SLC2A9: variants seen among roughly 807,000 people sequenced by gnomAD.
The protein encoded by SLC2A9 is solute carrier family 2 member 9.
Under a neutral mutation model 50.6 loss-of-function variants are expected in SLC2A9, and 39 were observed. The observed-to-expected ratio is 0.77, with a 90% CI of 0.60 to 1.01. The LOEUF is 1.01. SLC2A9 is among the 50% of genes least tolerant of loss of function. The pLI is 0.00. For synonymous variants in SLC2A9, 324 were observed against 276.9 expected (o/e 1.17, Z -1.69); for missense variants, 686 against 677.6 (o/e 1.01, Z -0.14).
At position 9,799,698 on chromosome 4, in the gene SLC2A9, C is replaced by CA. The variant is rs1353944283; in HGVS notation, n.421-458_421-457insT. Among the ~76,000 whole-genome samples, 101 of 71,582 alleles carry CA rather than the reference C, an allele frequency of 1.4e-3. 3 individuals are homozygous for CA. The highest frequency in any genetic ancestry group is 6.5e-3 in the East Asian group (18 of 2,776). The allele number at this position is 71,582 out of a possible 152,430, so 47.0% of individuals were successfully genotyped here. A position where few individuals can be genotyped will look rare whatever the true frequency, so the allele number is the denominator to read the frequency against. On this transcript the variant is annotated intron_variant and non_coding_transcript_variant, in intron 3 of 3. Coordinates refer to the SLC2A9 transcript ENST00000503280. ...TGAGCTCCATTCCAATTGTACCCCC[C>CA]CCCCACCCAACTTCTACACCAGTTT...
intron 10 of SLC2A9, among the ~76,000 whole-genome samples, chr4:9,861,859 A>T (rs1054945923): frequency 6.6e-6 from 1 of 152,146 alleles, no homozygotes; most frequent in Non-Finnish European, 1.5e-5. Flanking sequence ...GTACAGACAC[A>T]TCTTTCACAT....
At chr4:9,992,289 C>T (rs183960539) in intron 3 of SLC2A9, among the ~76,000 whole-genome samples, 2 of 152,288 alleles carry the variant, frequency 1.3e-5, no homozygotes, top group East Asian at 3.9e-4. Context: ...TTTTTAAAAG[C>T]ACTTAATCCA....
intron 10 of SLC2A9, among the ~76,000 whole-genome samples, chr4:9,883,936 G>A (rs1735687859): frequency 6.6e-6 from 1 of 152,222 alleles, no homozygotes; most frequent in Non-Finnish European, 1.5e-5. Flanking sequence ...GTGGAGAAGA[G>A]GGTGTTACCC....
At chr4:9,965,167 T>A (rs7663097) in intron 5 of SLC2A9, among the ~76,000 whole-genome samples, 2 of 152,002 alleles carry the variant, frequency 1.3e-5, no homozygotes, top group African/African-American at 4.8e-5. Context: ...AAATTAGGCT[T>A]GGAGAGGTTA....
At chr4:9,827,401 G>T (rs914995485) in intron 11 of SLC2A9, among the ~76,000 whole-genome samples, 4 of 152,226 alleles carry the variant, frequency 2.6e-5, no homozygotes, top group African/African-American at 4.8e-5. Flanking sequence ...CTGGGTCCCA[G>T]CTGTCAGGAT....
intron 3 of SLC2A9, among the ~76,000 whole-genome samples, chr4:9,812,141 A>T (rs1014293597): frequency 1.3e-5 from 2 of 152,188 alleles, no homozygotes; most frequent in Non-Finnish European, 2.9e-5. Flanking sequence ...GTTTCAGCCA[A>T]ATTTTATTGG....
At chr4:9,855,238 A>C (rs1490368854) in intron 10 of SLC2A9, among the ~76,000 whole-genome samples, 1 of 152,232 alleles carries the variant, frequency 6.6e-6, no homozygotes, top group African/African-American at 2.4e-5. Context: ...AAGCTTCGTG[A>C]TCTGATAAAC....
chr4:9,775,668 G>A, downstream of SLC2A9, among the ~76,000 whole-genome samples: 1 of 152,042 alleles, frequency 6.6e-6, no homozygotes, highest in East Asian at 1.9e-4. Flanking sequence ...GCTTGTTCCT[G>A]TTTTGGCCAC....
rs368072809 is a variant in SLC2A9, at chr4:9,774,164, T to A, written n.182-2795A>T. Among the ~76,000 whole-genome samples the A allele has an allele frequency of 3.5e-4, 54 of 152,134 alleles. No homozygotes were observed. The East Asian group carries it at 9.9e-3, about 28-fold the overall frequency. Reference sequence around the variant, plus strand: ...GTCTGCCACCTCACCCAGCTAATTTTTGTATTTTTAGTAGAGATGGGGTTT... The same window carrying A: ...GTCTGCCACCTCACCCAGCTAATTTATGTATTTTTAGTAGAGATGGGGTTT... On this transcript the variant is annotated intron_variant and non_coding_transcript_variant, in intron 1 of 1. Coordinates refer to the SLC2A9 transcript ENST00000508585.
At chr4:9,854,185 T>C (rs1730389601) in intron 10 of SLC2A9, among the ~76,000 whole-genome samples, 3 of 151,756 alleles carry the variant, frequency 2.0e-5, no homozygotes, top group African/African-American at 7.3e-5. Context: ...ATACAAAATA[T>C]CAATGAATTC....
chr4:10,002,844 C>T (rs1297398206), intron 2 of SLC2A9, among the ~76,000 whole-genome samples: 1 of 97,290 alleles, frequency 1.0e-5, no homozygotes, highest in African/African-American at 4.2e-5. Flanking sequence ...CTGAGCGAGA[C>T]TCCATCTAAA....
intron 3 of SLC2A9, among the ~76,000 whole-genome samples, chr4:9,815,595 G>C (rs1002102714): frequency 4.6e-5 from 7 of 152,216 alleles, no homozygotes; most frequent in African/African-American, 1.4e-4. Flanking sequence ...TGGCCGGTGA[G>C]CCTGTCACTA....
intron 8 of SLC2A9, among the ~76,000 whole-genome samples, chr4:9,905,442 T>A (rs1169088977): frequency 6.6e-6 from 1 of 152,232 alleles, no homozygotes; most frequent in African/African-American, 2.4e-5. Context: ...ATGGTCCAGA[T>A]GACTGAGATC....
chr4:9,885,496 C>G (rs762806802), intron 10 of SLC2A9, among the ~76,000 whole-genome samples: 1 of 152,198 alleles, frequency 6.6e-6, no homozygotes, highest in Non-Finnish European at 1.5e-5. Flanking sequence ...TCCACTTCTT[C>G]TCTCCTCCAA....
chr4:9,941,230 C>A (rs910456929), intron 6 of SLC2A9, among the ~76,000 whole-genome samples: 5 of 152,158 alleles, frequency 3.3e-5, no homozygotes, highest in African/African-American at 1.2e-4. Context: ...TTTCAGGGCT[C>A]TGTAGAGAGA....
intron 5 of SLC2A9, among the ~76,000 whole-genome samples, chr4:9,964,616 AGAT>A (rs1414245601): frequency 2.0e-5 from 3 of 152,230 alleles, no homozygotes; most frequent in Non-Finnish European, 2.9e-5. Flanking sequence ...ACTTTAAAAT[AGAT>A]GAGTACATTT....
intron 2 of SLC2A9, among the ~76,000 whole-genome samples, chr4:10,014,444 C>G (rs140425146): frequency 6.6e-6 from 1 of 152,324 alleles, no homozygotes; most frequent in East Asian, 1.9e-4. Flanking sequence ...CGAGCCTTGG[C>G]CCTCAGCCTG....
chr4:9,782,049 A>C (rs1355001239), intron 3 of SLC2A9: 1 of 1,479,754 alleles, frequency 6.8e-7, no homozygotes, highest in East Asian at 2.4e-5. Flanking sequence ...CCAGGCAGCA[A>C]CGGCACCGCG....
rs556166257 is a variant in SLC2A9 at position 9,956,930 on chromosome 4, T to C, written c.682-14885A>G. Among the ~76,000 whole-genome samples, 27 of 152,100 alleles carry C rather than the reference T, an allele frequency of 1.8e-4. No individual in the cohort carries two copies. The South Asian group carries it at 4.8e-3, about 27-fold the overall frequency. On this transcript the variant is annotated intron_variant, in intron 5 of 11. Transcript: ENST00000264784. ...AGGTTTTTAGCCCAGTTTTAGAAGA[T>C]GGAATAGCAAAGTGGAGGAAGTGGC...
Sources: gnomAD v4.1 joint callset for allele counts (sites outside exome capture counted in the v4.1 genomes callset) on GRCh38, gnomAD v4.1.1 for gene constraint, MANE v1.5 for transcripts, NCBI Gene and HGNC (gene_info 2026-07-23, HGNC 2026-07-21) for gene names.